SHPRH: variants seen among roughly 807,000 people sequenced by gnomAD.
The protein encoded by SHPRH is SNF2 histone linker PHD RING helicase.
A neutral mutation model predicts 202.5 loss-of-function variants in SHPRH; 106 were observed. That is an observed-to-expected ratio of 0.52 (90% CI 0.45 to 0.62). The LOEUF is 0.62. Among genes scored for constraint, SHPRH ranks in the 20% least tolerant of loss-of-function variants. The pLI, the probability that SHPRH is intolerant of heterozygous loss-of-function variation, is 0.00. For synonymous variants in SHPRH, 729 were observed against 686.0 expected, an observed-to-expected ratio of 1.06 and a Z score of -0.98; for missense variants, 1,710 against 2,020.0, an observed-to-expected ratio of 0.85 and a Z score of 2.94.
chr6:145,907,089 C>A (rs1466141355), intron 25 of SHPRH: 1 of 152,256 alleles, frequency 6.6e-6, no homozygotes, highest in East Asian at 1.9e-4. Context: ...CACATATCAA[C>A]ACTTTTCTGG....
intron 25 of SHPRH, among the ~76,000 whole-genome samples, chr6:145,898,318 AT>A (rs1255358890): frequency 6.6e-6 from 1 of 152,192 alleles, no homozygotes; most frequent in Non-Finnish European, 1.5e-5. Flanking sequence ...ACTATGAAAC[AT>A]TAATAAAAAA....
chr6:145,920,634 A>G (rs1784361110), intron 21 of SHPRH, among the ~76,000 whole-genome samples: 1 of 152,110 alleles, frequency 6.6e-6, no homozygotes, highest in Admixed American at 6.6e-5. Flanking sequence ...ATGGATAACT[A>G]ATCCAAATAA....
At chr6:145,923,987 C>T (rs1203150954) in intron 17 of SHPRH, among the ~76,000 whole-genome samples, 2 of 151,706 alleles carry the variant, frequency 1.3e-5, no homozygotes, top group East Asian at 3.9e-4. Flanking sequence ...AAGAGAAACC[C>T]CTATTTCCTA....
intron 1 of SHPRH, among the ~76,000 whole-genome samples, chr6:145,957,281 T>C (rs983139380): frequency 2.0e-5 from 3 of 151,966 alleles, no homozygotes; most frequent in African/African-American, 7.3e-5. Context: ...TAAATGACAT[T>C]GGATTAGCCC....
Position 145,945,552 on chromosome 6 carries a change from A to T in SHPRH, c.1407T>A (p.Ser469Arg), listed in dbSNP as rs1245720703. 1.2e-6 allele frequency: 2 copies of T among 1,613,024 alleles called. No individual in the cohort carries two copies. Among genetic ancestry groups the T allele is most frequent in the African/African-American group, 2.7e-5 (2 of 74,854 alleles). ...VSILSIYKYV[S>R]SIYRYDVQRN... ...GTTGAACATCGTATCTATATATAGA[A>T]CTGACATACTTATAGATGGAAAGGA... Residue 469 changes from serine to arginine, a missense_variant, in exon 8 of 30, where the codon AGT (serine) becomes AGA (arginine). By Grantham distance (110) the Ser-to-Arg change is moderately radical. Around this residue, in one of 8 missense-constraint regions of SHPRH, gnomAD observed 348 missense variants for 356.9 expected, o/e 0.97. Transcript: ENST00000275233.
downstream of SHPRH, among the ~76,000 whole-genome samples, chr6:145,881,860 T>C (rs908292885): frequency 6.6e-5 from 10 of 151,762 alleles, no homozygotes; most frequent in African/African-American, 1.5e-4. Flanking sequence ...TCCCAGCACG[T>C]TGGGAGGCCG....
intron 3 of SHPRH, chr6:145,952,022 C>T (rs954489884): frequency 2.3e-5 from 9 of 393,874 alleles, no homozygotes; most frequent in African/African-American, 1.7e-4. Flanking sequence ...AAACGCCAGC[C>T]AAGAATTTCT....
Position 145,935,459 on chromosome 6 carries a change from A to G in SHPRH, c.2570-18T>C, listed in dbSNP as rs750252231. ...AAAAAGATCTGAAAAGAAAAAATAA[A>G]ATACATTGAGGATAACTCTATTACT... On this transcript the variant is annotated intron_variant, in intron 11 of 29. Transcript: ENST00000275233. The G allele has an allele frequency of 1.2e-6, 2 of 1,612,056 alleles. No homozygotes were observed. The highest frequency in any genetic ancestry group is 2.7e-5 in the African/African-American group (2 of 74,804).
intron 13 of SHPRH, among the ~76,000 whole-genome samples, chr6:145,933,473 G>T (rs865935221): frequency 2.3e-4 from 35 of 152,156 alleles, no homozygotes; most frequent in Admixed American, 5.9e-4. Context: ...GTATTAACAT[G>T]TAAGACTGAC....
intron 1 of SHPRH, among the ~76,000 whole-genome samples, chr6:145,962,442 G>A (rs189354395): frequency 1.1e-3 from 160 of 152,262 alleles, no homozygotes; most frequent in Admixed American, 2.4e-3. Context: ...CATTCTAGAA[G>A]ACTATAGGTA....
chr6:145,883,054 GAT>G (rs1780700803), downstream of SHPRH, among the ~76,000 whole-genome samples: 1 of 152,042 alleles, frequency 6.6e-6, no homozygotes, highest in Non-Finnish European at 1.5e-5. Flanking sequence ...GAGAGACAAA[GAT>G]AACAATAGGG....
In SHPRH at chr6:145,886,323, C is replaced by A; in HGVS notation, c.*368G>T. ...TGAGATCTATGTTTGTTCAATATAC[C>A]AGGTCATATAAAACTAGACTAGTTT... On this transcript the variant is annotated 3_prime_UTR_variant, in exon 30 of 30. Coordinates refer to ENST00000275233, the MANE Select transcript of SHPRH (RefSeq NM_001042683.3). 2 of 592,080 alleles carry A rather than the reference C, an allele frequency of 3.4e-6. No individual in the cohort carries two copies. The highest frequency in any genetic ancestry group is 2.2e-5 in the South Asian group (1 of 46,352). The allele number at this position is 592,080 out of a possible 1,614,324, so 36.7% of individuals were successfully genotyped here.
chr6:145,917,858 T>C (rs778192602), intron 23 of SHPRH: 1 of 271,348 alleles, frequency 3.7e-6, no homozygotes, highest in East Asian at 6.5e-5. Context: ...TATGTTTTAA[T>C]ACTTTTACTA....
chr6:145,952,594 G>T, intron 2 of SHPRH, 116 bp from the exon 3 acceptor site: 1 of 907,654 alleles, frequency 1.1e-6, no homozygotes, highest in Non-Finnish European at 1.5e-6. Flanking sequence ...TAGCATGTGT[G>T]ACACAAACAA....
At chr6:145,901,907 T>A (rs1270283885) in intron 25 of SHPRH, among the ~76,000 whole-genome samples, 2 of 152,070 alleles carry the variant, frequency 1.3e-5, no homozygotes, top group African/African-American at 4.8e-5. Flanking sequence ...AGCTTTGGAA[T>A]AACGACACAG....
At chr6:145,940,822 A>G in intron 10 of SHPRH, 21 bp from the exon 11 acceptor site, 1 of 1,612,294 alleles carries the variant, frequency 6.2e-7, no homozygotes, top group African/African-American at 1.3e-5. Context: ...GGAAAAATGA[A>G]ATAAAAATGA....
chr6:145,895,105 ATG>A (rs1781900278), intron 25 of SHPRH, 128 bp from the exon 26 acceptor site: 14 of 752,950 alleles, frequency 1.9e-5, no homozygotes, highest in Non-Finnish European at 2.6e-5. Flanking sequence ...TCAGGTGCAT[ATG>A]TGTTTACTCT....
Position 145,943,647 on chromosome 6 carries a change from T to G in SHPRH, c.1734A>C (p.Lys578Asn). The change falls in exon 9 of 30, where the codon AAA becomes AAC. Residue 578 changes from lysine to asparagine, a missense_variant. Coordinates refer to ENST00000275233, the MANE Select transcript of SHPRH (RefSeq NM_001042683.3). ...CTTTTTTTGTGGATGGAACAAGCTT[T>G]TTCCTCAATTTACTGCGATTTCTCC... ...KSRRNRSKLR[K>N]KLVPSTKKGK... 1 of 1,613,914 alleles carries G rather than the reference T, an allele frequency of 6.2e-7. No individual in the cohort carries two copies. Among genetic ancestry groups the G allele is most frequent in the Non-Finnish European group, 8.5e-7 (1 of 1,179,892 alleles).
chr6:145,913,737 T>C (rs898745036), intron 23 of SHPRH, among the ~76,000 whole-genome samples, 188 bp from the exon 24 acceptor site: 26 of 152,130 alleles, frequency 1.7e-4, no homozygotes, highest in African/African-American at 5.5e-4. Context: ...ACAAATATCA[T>C]TTATTCAAGG....
Sources: gnomAD v4.1 joint callset for allele counts (sites outside exome capture counted in the v4.1 genomes callset) on GRCh38, gnomAD v4.1.1 for gene constraint, gnomAD v4.1.1 regional missense constraint, MANE v1.5 for transcripts, NCBI Gene and HGNC (gene_info 2026-07-23, HGNC 2026-07-21) for gene names.